The following ZNF69 variants were observed in gnomAD, a reference collection of about 807,000 sequenced individuals.
ZNF69 encodes the protein ZNF3.
In ZNF69, 47 loss-of-function variants were observed where a neutral mutation model predicts 50.9. The observed-to-expected ratio is 0.92, with a 90% CI of 0.73 to 1.18. The LOEUF (loss-of-function observed/expected upper bound fraction) is 1.18. Among genes scored for constraint, ZNF69 ranks in the 50% most tolerant of loss-of-function variants. The pLI is 0.00. For synonymous variants in ZNF69, 216 were observed against 223.1 expected (o/e 0.97, Z 0.29); for missense variants, 717 against 675.1 (o/e 1.06, Z -0.69).
the ZNF69 span, among the ~76,000 whole-genome samples, chr19:11,936,347 C>A: frequency 0.18 from 26,811 of 152,006 alleles, 5,056 homozygotes; most frequent in African/African-American, 0.48. Flanking sequence ...TCTCCAGCAC[C>A]TGTTGTTTCC....
the ZNF69 span, among the ~76,000 whole-genome samples, chr19:11,971,089 T>C: frequency 6.6e-6 from 1 of 152,234 alleles, no homozygotes; most frequent in Non-Finnish European, 1.5e-5. Context: ...TTCTCTATCT[T>C]AGTCATCTTG....
chr19:11,908,074 A>C (rs182081330), downstream of ZNF69, among the ~76,000 whole-genome samples: 3 of 152,186 alleles, frequency 2.0e-5, no homozygotes, highest in Non-Finnish European at 4.4e-5. Context: ...CAAAAGAGAC[A>C]AGGCCATTAC....
At chr19:11,949,163 A>T in the ZNF69 span, 1 of 1,612,900 alleles carries the variant, frequency 6.2e-7, no homozygotes, top group Non-Finnish European at 8.5e-7. Flanking sequence ...TTTCAAACAC[A>T]TGAAAAAACT....
chr19:11,966,943 G>T, the ZNF69 span, among the ~76,000 whole-genome samples: 2 of 152,160 alleles, frequency 1.3e-5, no homozygotes, highest in South Asian at 4.1e-4. Context: ...TATATTACCA[G>T]GAAAAGAGGT....
the ZNF69 span, among the ~76,000 whole-genome samples, chr19:11,935,233 G>GT: frequency 0.016 from 1,476 of 93,208 alleles, 50 homozygotes; most frequent in East Asian, 0.076. Context: ...GAAAGATCTT[G>GT]TTTTTTTTTT....
intron 1 of ZNF69, among the ~76,000 whole-genome samples, chr19:11,896,155 G>A (rs1475987932): frequency 6.9e-6 from 1 of 145,726 alleles, no homozygotes; most frequent in Non-Finnish European, 1.5e-5. Flanking sequence ...GGAGATGGAG[G>A]TTGCAGTGAG....
chr19:11,952,300 A>T, the ZNF69 span, among the ~76,000 whole-genome samples: 1 of 152,240 alleles, frequency 6.6e-6, no homozygotes, highest in Non-Finnish European at 1.5e-5. Context: ...ACTGTTTACT[A>T]GAAAGTACCT....
the ZNF69 span, chr19:11,956,581 C>G: frequency 2.5e-6 from 1 of 398,526 alleles, no homozygotes; most frequent in African/African-American, 2.1e-5. Context: ...TCACACCAGG[C>G]GCAGTGGCTC....
At chr19:11,979,918 A>T in the ZNF69 span, 1 of 1,372,872 alleles carries the variant, frequency 7.3e-7, no homozygotes, top group Non-Finnish European at 1.0e-6. Context: ...TATGTGGGAA[A>T]GGCTTTTATT....
chr19:11,974,114 TTTC>T, the ZNF69 span, among the ~76,000 whole-genome samples: 10,926 of 83,064 alleles, frequency 0.13, 511 homozygotes, highest in Middle Eastern at 0.22. Context: ...TCTTTCTTTC[TTTC>T]TTTCTTTCTT....
downstream of ZNF69, among the ~76,000 whole-genome samples, chr19:11,918,596 A>G (rs1235098648): frequency 6.6e-6 from 1 of 151,680 alleles, no homozygotes; most frequent in African/African-American, 2.4e-5. Context: ...CAATCCTCCC[A>G]CCTCGGCTTT....
chr19:11,934,463 A>G, the ZNF69 span, among the ~76,000 whole-genome samples: 3 of 148,206 alleles, frequency 2.0e-5, no homozygotes, highest in Non-Finnish European at 4.4e-5. Flanking sequence ...TTTGGATTTT[A>G]GCTACTGCAC....
chr19:11,904,489 C>T (rs1972318006), intron 3 of ZNF69, among the ~76,000 whole-genome samples, 160 bp from the exon 4 acceptor site: 1 of 152,198 alleles, frequency 6.6e-6, no homozygotes, highest in African/African-American at 2.4e-5. Context: ...GGCTGGGTCA[C>T]CTTGTACAAT....
chr19:11,973,740 A>G, the ZNF69 span, among the ~76,000 whole-genome samples: 1 of 147,574 alleles, frequency 6.8e-6, no homozygotes, highest in Non-Finnish European at 1.5e-5. Context: ...TTTTTTAAAG[A>G]CTCACCTTGT....
chr19:11,898,279 A>G (rs572259948), intron 1 of ZNF69, among the ~76,000 whole-genome samples: 2 of 151,136 alleles, frequency 1.3e-5, no homozygotes, highest in East Asian at 3.9e-4. Flanking sequence ...TCACTTTCTT[A>G]TTTAATGGGT....
chr19:11,922,677 G>A, the ZNF69 span, among the ~76,000 whole-genome samples: 1 of 137,232 alleles, frequency 7.3e-6, no homozygotes. Context: ...TCATCCGCCT[G>A]GTAAATCCTC....
At chr19:11,908,091 G>T (rs1471235908), downstream of ZNF69, among the ~76,000 whole-genome samples, 1 of 152,182 alleles carries the variant, frequency 6.6e-6, no homozygotes, top group Non-Finnish European at 1.5e-5. Context: ...TTACATAAAG[G>T]TAAAGGGATC....
At chr19:11,901,062 T>C (rs545678635) in intron 1 of ZNF69, among the ~76,000 whole-genome samples, 1 of 152,264 alleles carries the variant, frequency 6.6e-6, no homozygotes, top group East Asian at 1.9e-4. Flanking sequence ...ATACCATTTG[T>C]TTTGTGCCAC....
chr19:11,903,929 T>C lies in ZNF69; in HGVS notation c.215T>C (p.Ile72Thr). ...GGAAAAAGTTGGAAAGACCAGAACATTGAATATGAGTACCAAAACCCCAGG... is the reference window on the plus strand; with the variant it reads ...GGAAAAAGTTGGAAAGACCAGAACACTGAATATGAGTACCAAAACCCCAGG... ...SVGKSWKDQN[I>T]EYEYQNPRRN... The change falls in exon 3 of 4, where the codon ATT becomes ACT. Residue 72 changes from isoleucine to threonine, a missense_variant. Ile to Thr is a moderately conservative substitution (Grantham distance 89). Coordinates refer to ENST00000429654, the MANE Select transcript of ZNF69 (RefSeq NM_001364730.1). 6.2e-7 allele frequency: 1 copy of C among 1,613,972 alleles called. No individual in the cohort carries two copies. Among genetic ancestry groups the C allele is most frequent in the Non-Finnish European group, 8.5e-7 (1 of 1,179,924 alleles).
Sources: allele counts gnomAD v4.1 joint callset (sites outside exome capture counted in the v4.1 genomes callset), GRCh38; gene constraint gnomAD v4.1.1; transcripts MANE v1.5; gene names NCBI Gene and HGNC (gene_info 2026-07-23, HGNC 2026-07-21).